TRAM2: variants seen among roughly 807,000 people sequenced by gnomAD.
The protein encoded by TRAM2 is translocation associated membrane protein 2.
Under a neutral mutation model 51.0 loss-of-function variants are expected in TRAM2, and 12 were observed. The ratio of observed to expected loss-of-function variants is 0.24; its 90% CI spans 0.15 to 0.38. The LOEUF (loss-of-function observed/expected upper bound fraction) is 0.38, where lower values mean the gene tolerates loss of function less well. TRAM2 is among the 10% of genes least tolerant of loss of function. The pLI is 1.00. For missense variants in TRAM2, 361 were observed against 462.0 expected, an observed-to-expected ratio of 0.78 and a Z score of 2.00; for synonymous variants, 175 against 179.4, an observed-to-expected ratio of 0.98 and a Z score of 0.20.
chr6:52,503,708 C>G (rs1766285174), intron 10 of TRAM2, among the ~76,000 whole-genome samples: 1 of 152,170 alleles, frequency 6.6e-6, no homozygotes, highest in Admixed American at 6.5e-5. Context: ...CTCCCAGGAG[C>G]AGTGGCCACA....
Position 52,536,314 on chromosome 6 carries a change from T to G in TRAM2, c.121-468A>C, listed in dbSNP as rs917071811. Among the ~76,000 whole-genome samples the G allele has an allele frequency of 2.6e-5, 4 of 152,330 alleles. No individual in the cohort carries two copies. In the South Asian group the frequency reaches 6.2e-4, roughly 24 times the overall value. ...AGCCCTGAAAGTCGACACCTGAGCT[T>G]CAGAAACAGAGAATTCCAGCTGCTA... On this transcript the variant is annotated intron_variant, in intron 1 of 10. Transcript: ENST00000182527.
chr6:52,541,647 G>C (rs939093057), intron 1 of TRAM2, among the ~76,000 whole-genome samples: 5 of 152,150 alleles, frequency 3.3e-5, no homozygotes, highest in African/African-American at 9.7e-5. Context: ...GCCAGCCACA[G>C]GCACTGGGTA....
chr6:52,573,077 T>TA (rs945309725), intron 1 of TRAM2, among the ~76,000 whole-genome samples: 4 of 151,484 alleles, frequency 2.6e-5, no homozygotes, highest in Admixed American at 6.6e-5. Flanking sequence ...TAAATGAGCT[T>TA]AAAAAAAAAG....
At chr6:52,543,982 A>G (rs750367405) in intron 1 of TRAM2, among the ~76,000 whole-genome samples, 2 of 152,210 alleles carry the variant, frequency 1.3e-5, no homozygotes, top group African/African-American at 4.8e-5. Flanking sequence ...ACCTGCTGCA[A>G]CCATTTCAAA....
chr6:52,529,077 G>A lies in TRAM2; in HGVS notation c.184+6706C>T, dbSNP rs192054779. ...GGCTAATTTTTTTGTATTTTTAGTA[G>A]AGATGGGGTTTCACCGTGTTAGCCA... On this transcript the variant is annotated intron_variant, in intron 2 of 10. Coordinates refer to ENST00000182527, the MANE Select transcript of TRAM2 (RefSeq NM_012288.4). Among the ~76,000 whole-genome samples, 275 of 152,210 alleles carry A rather than the reference G, an allele frequency of 1.8e-3. 3 individuals are homozygous for A. The highest frequency in any genetic ancestry group is 6.2e-3 in the African/African-American group (258 of 41,520).
chr6:52,533,073 TG>T (rs751480218), intron 2 of TRAM2, among the ~76,000 whole-genome samples: 27 of 50,026 alleles, frequency 5.4e-4, no homozygotes, highest in Non-Finnish European at 8.3e-4. Flanking sequence ...GAAAATGGAA[TG>T]GGGGCTGTTG....
At chr6:52,513,744 G>A (rs943022284) in intron 4 of TRAM2, among the ~76,000 whole-genome samples, 1 of 151,944 alleles carries the variant, frequency 6.6e-6, no homozygotes, top group Admixed American at 6.5e-5. Context: ...GAATGGGGAG[G>A]AAAAAACGAT....
rs1231194856 is a variant in TRAM2, at chr6:52,535,863, AAG to A, written c.121-19_121-18del. On this transcript the variant is annotated intron_variant, in intron 1 of 10. Coordinates refer to ENST00000182527, the MANE Select transcript of TRAM2 (RefSeq NM_012288.4). ...GGCTGTGACCTGTAAAACAAAGGAA[AAG>A]AGTTCCAGTTTAGCTTTTGGCCACA... The A allele has an allele frequency of 9.9e-6, 16 of 1,611,544 alleles. No homozygotes were observed. Among genetic ancestry groups the A allele is most frequent in the Non-Finnish European group, 1.4e-5 (16 of 1,178,446 alleles).
At chr6:52,570,735 T>G (rs1010855594) in intron 1 of TRAM2, among the ~76,000 whole-genome samples, 2 of 151,254 alleles carry the variant, frequency 1.3e-5, no homozygotes, top group African/African-American at 2.4e-5. Flanking sequence ...TCTCCTAACC[T>G]TGGGCTCCTA....
At chr6:52,549,336 G>A (rs1767268223) in intron 1 of TRAM2, among the ~76,000 whole-genome samples, 1 of 149,756 alleles carries the variant, frequency 6.7e-6, no homozygotes, top group South Asian at 2.1e-4. Flanking sequence ...CATCAGTGGG[G>A]ATACCATCTA....
At chr6:52,551,235 A>C (rs1767303231) in intron 1 of TRAM2, among the ~76,000 whole-genome samples, 1 of 152,144 alleles carries the variant, frequency 6.6e-6, no homozygotes, top group Non-Finnish European at 1.5e-5. Flanking sequence ...ACATAGCTTT[A>C]TTATTTTGGA....
At chr6:52,556,185 C>T (rs1423523268) in intron 1 of TRAM2, among the ~76,000 whole-genome samples, 2 of 151,248 alleles carry the variant, frequency 1.3e-5, no homozygotes, top group African/African-American at 2.4e-5. Flanking sequence ...TGGGCAGAGC[C>T]GGGGGCTGGG....
intron 1 of TRAM2, among the ~76,000 whole-genome samples, chr6:52,549,253 CCCTTCCCT>C (rs1767265267): frequency 1.4e-5 from 2 of 138,456 alleles, no homozygotes; most frequent in South Asian, 2.3e-4. Flanking sequence ...CTCCTTCCCT[CCCTTCCCT>C]CCTTCCCTCC....
rs1459227952 is a variant in TRAM2 at position 52,508,226 on chromosome 6, G to A, written c.555+8C>T. ...GGCCTCCAAGAAGGGAGAGAAGTGA[G>A]CACTCACCTTCCGTACCTTCTGGAA... On this transcript the variant is annotated splice_region_variant and intron_variant, in intron 6 of 10. Coordinates refer to ENST00000182527, the MANE Select transcript of TRAM2 (RefSeq NM_012288.4). The A allele has an allele frequency of 2.2e-5, 36 of 1,613,416 alleles. No individual in the cohort carries two copies. The highest frequency in any genetic ancestry group is 2.7e-5 in the Non-Finnish European group (32 of 1,179,646).
chr6:52,570,188 T>C (rs1267043830), intron 1 of TRAM2, among the ~76,000 whole-genome samples: 1 of 152,242 alleles, frequency 6.6e-6, no homozygotes, highest in Non-Finnish European at 1.5e-5. Flanking sequence ...GCCAGAGTCA[T>C]CTTTTCTTAC....
At chr6:52,574,377 G>C in intron 1 of TRAM2, among the ~76,000 whole-genome samples, 1 of 152,186 alleles carries the variant, frequency 6.6e-6, no homozygotes, top group South Asian at 2.1e-4. Context: ...TCTGTGGAGA[G>C]TTAGTTAGTC....
intron 2 of TRAM2, among the ~76,000 whole-genome samples, chr6:52,530,873 TAGA>T (rs1562481441): frequency 1.3e-5 from 2 of 152,036 alleles, no homozygotes; most frequent in Non-Finnish European, 2.9e-5. Context: ...GAAAGGAGTA[TAGA>T]AGAAGAGGGA....
At chr6:52,548,118 T>C (rs144004006) in intron 1 of TRAM2, among the ~76,000 whole-genome samples, 1 of 152,354 alleles carries the variant, frequency 6.6e-6, no homozygotes, top group African/African-American at 2.4e-5. Flanking sequence ...AAATCAATTC[T>C]TCAATCACAA....
intron 4 of TRAM2, among the ~76,000 whole-genome samples, chr6:52,514,154 T>C (rs545607995): frequency 2.2e-4 from 33 of 152,108 alleles, no homozygotes; most frequent in African/African-American, 4.6e-4. Flanking sequence ...ACAGTCTCAA[T>C]GTGTTTGGGA....
Sources: gnomAD v4.1 joint callset for allele counts (sites outside exome capture counted in the v4.1 genomes callset) on GRCh38, gnomAD v4.1.1 for gene constraint, MANE v1.5 for transcripts, NCBI Gene and HGNC (gene_info 2026-07-23, HGNC 2026-07-21) for gene names.